Variants in FAM13A observed in about 807,000 individuals in gnomAD.
The protein encoded by FAM13A is protein FAM13A.
A neutral mutation model predicts 129.6 loss-of-function variants in FAM13A; 76 were observed. The observed-to-expected ratio is 0.59, with a 90% CI of 0.49 to 0.71. The LOEUF (loss-of-function observed/expected upper bound fraction) is 0.71, where lower values mean the gene tolerates loss of function less well. Among genes scored for constraint, FAM13A ranks in the 30% least tolerant of loss-of-function variants. FAM13A has a pLI of 0.00. For missense variants in FAM13A, 1,108 were observed against 1,249.3 expected, an observed-to-expected ratio of 0.89 and a Z score of 1.70; for synonymous variants, 443 against 449.9, an observed-to-expected ratio of 0.98 and a Z score of 0.20.
chr4:88,897,308 C>G (rs1746520100), intron 6 of FAM13A, among the ~76,000 whole-genome samples: 2 of 152,184 alleles, frequency 1.3e-5, no homozygotes, highest in South Asian at 2.1e-4. Flanking sequence ...CGAGTAAGTC[C>G]TTGAGCTAGC....
chr4:88,987,061 T>C (rs1223619041), intron 4 of FAM13A, among the ~76,000 whole-genome samples: 2 of 152,042 alleles, frequency 1.3e-5, no homozygotes, highest in Non-Finnish European at 2.9e-5. Flanking sequence ...GCTGAAAAGG[T>C]AGGAAATACT....
At chr4:88,853,683 A>G (rs1738004839) in intron 6 of FAM13A, among the ~76,000 whole-genome samples, 1 of 152,220 alleles carries the variant, frequency 6.6e-6, no homozygotes, top group Admixed American at 6.5e-5. Context: ...AACTTGATTG[A>G]AGGATGCAAA....
intron 3 of FAM13A, among the ~76,000 whole-genome samples, chr4:88,991,451 A>C (rs529232824): frequency 6.6e-6 from 1 of 152,242 alleles, no homozygotes; most frequent in Non-Finnish European, 1.5e-5. Flanking sequence ...ATAAAAAATA[A>C]TAATAATAAT....
chr4:89,056,697 G>A (rs746946384), intron 1 of FAM13A, among the ~76,000 whole-genome samples: 2 of 152,122 alleles, frequency 1.3e-5, no homozygotes, highest in African/African-American at 2.4e-5. Context: ...TTGACTTAAC[G>A]GAATAAATCA....
rs1321706850 is a variant in FAM13A at position 88,927,595 on chromosome 4, T to C, written c.759+10493A>G. ...TTTCTGGTTCAATCTCAGAAAGTTG[T>C]ATGTTTCTAGGAATTTATCTATTTC... On this transcript the variant is annotated intron_variant, in intron 5 of 23. Transcript: ENST00000264344. Among the ~76,000 whole-genome samples the C allele has an allele frequency of 2.6e-5, 4 of 152,022 alleles. No individual in the cohort carries two copies. The South Asian group carries it at 8.3e-4, about 31-fold the overall frequency.
intron 7 of FAM13A, among the ~76,000 whole-genome samples, chr4:88,828,021 T>C (rs1345886113): frequency 6.6e-6 from 1 of 152,222 alleles, no homozygotes; most frequent in African/African-American, 2.4e-5. Flanking sequence ...CCTGAACTTT[T>C]CTATCCTAAA....
intron 3 of FAM13A, among the ~76,000 whole-genome samples, chr4:89,004,874 T>G (rs113624158): frequency 9.9e-5 from 15 of 152,284 alleles, no homozygotes; most frequent in Non-Finnish European, 2.2e-4. Flanking sequence ...TCTCTGAAAG[T>G]TGATCTCTGA....
At chr4:88,751,149 C>T (rs915908295) in intron 14 of FAM13A, among the ~76,000 whole-genome samples, 1 of 152,008 alleles carries the variant, frequency 6.6e-6, no homozygotes, top group African/African-American at 2.4e-5. Context: ...GGCTGAGGCA[C>T]GAGAATTGCT....
At chr4:88,871,046 C>T (rs1395019567) in intron 6 of FAM13A, among the ~76,000 whole-genome samples, 3 of 152,238 alleles carry the variant, frequency 2.0e-5, no homozygotes, top group Non-Finnish European at 4.4e-5. Flanking sequence ...AGACCTGCAG[C>T]TGAGGGACCT....
intron 4 of FAM13A, among the ~76,000 whole-genome samples, chr4:88,960,567 C>A (rs1275916598): frequency 6.6e-6 from 1 of 152,172 alleles, no homozygotes; most frequent in South Asian, 2.1e-4. Flanking sequence ...GCCACAACAA[C>A]AAAACCTCAT....
chr4:88,925,397 C>T (rs1751931159), intron 5 of FAM13A, among the ~76,000 whole-genome samples: 1 of 152,160 alleles, frequency 6.6e-6, no homozygotes, highest in Admixed American at 6.5e-5. Context: ...GAGTTCACAT[C>T]CTTTGTAGGG....
intron 5 of FAM13A, among the ~76,000 whole-genome samples, chr4:88,915,331 T>C (rs371279627): frequency 4.6e-5 from 7 of 152,322 alleles, no homozygotes; most frequent in South Asian, 2.1e-4. Context: ...AAGGAATAAA[T>C]TGAATTTTAA....
At chr4:89,039,150 G>T (rs1397202274) in intron 1 of FAM13A, among the ~76,000 whole-genome samples, 1 of 152,060 alleles carries the variant, frequency 6.6e-6, no homozygotes, top group African/African-American at 2.4e-5. Context: ...AGAAGAAAAA[G>T]TTAAAAGAGA....
chr4:88,975,052 T>C (rs1760714333), intron 4 of FAM13A, among the ~76,000 whole-genome samples: 1 of 152,176 alleles, frequency 6.6e-6, no homozygotes. Flanking sequence ...GGTAATTTAA[T>C]ACATTTACCA....
intron 3 of FAM13A, among the ~76,000 whole-genome samples, chr4:89,015,569 A>G (rs760740156): frequency 2.0e-5 from 3 of 152,218 alleles, no homozygotes; most frequent in Non-Finnish European, 4.4e-5. Flanking sequence ...TGTTTGTATT[A>G]ATCTGCCTGT....
chr4:88,777,836 ACC>A (rs1722079466), intron 11 of FAM13A, among the ~76,000 whole-genome samples: 1 of 152,166 alleles, frequency 6.6e-6, no homozygotes, highest in African/African-American at 2.4e-5. Context: ...TACTAAGATC[ACC>A]AGGGAGCGAC....
intron 6 of FAM13A, among the ~76,000 whole-genome samples, chr4:88,853,309 A>G (rs1390305212): frequency 1.3e-5 from 2 of 152,224 alleles, no homozygotes; most frequent in African/African-American, 4.8e-5. Flanking sequence ...GATAATTAAC[A>G]TATGCGTTAC....
intron 5 of FAM13A, among the ~76,000 whole-genome samples, chr4:88,911,300 C>G (rs557372228): frequency 1.6e-4 from 25 of 152,310 alleles, no homozygotes; most frequent in Admixed American, 1.0e-3. Flanking sequence ...GAGAACGGAG[C>G]AGCTCAAAGT....
At chr4:88,934,571 C>T (rs1456959891) in intron 5 of FAM13A, among the ~76,000 whole-genome samples, 1 of 152,140 alleles carries the variant, frequency 6.6e-6, no homozygotes, top group Admixed American at 6.6e-5. Flanking sequence ...TAGAATTATC[C>T]TGCAGCTGGA....
Sources: allele counts gnomAD v4.1 joint callset (sites outside exome capture counted in the v4.1 genomes callset), GRCh38; gene constraint gnomAD v4.1.1; transcripts MANE v1.5; gene names NCBI Gene and HGNC (gene_info 2026-07-23, HGNC 2026-07-21).